ATF6: variants seen among roughly 807,000 people sequenced by gnomAD.
The protein encoded by ATF6 is cyclic AMP-dependent transcription factor ATF-6 alpha.
ATF6 carries 53 observed loss-of-function variants against 83.6 expected under a neutral mutation model. The observed-to-expected ratio is 0.63, with a 90% CI of 0.51 to 0.80. The LOEUF is 0.80. Ranked by LOEUF, ATF6 falls within the 30% of genes least tolerant of loss-of-function variation. The pLI is 0.00. For missense variants in ATF6, 744 were observed against 797.9 expected (o/e 0.93, Z 0.81); for synonymous variants, 288 against 285.8 (o/e 1.01, Z -0.08).
chr1:161,878,592 A>G (rs915937925), intron 14 of ATF6, among the ~76,000 whole-genome samples: 2 of 151,838 alleles, frequency 1.3e-5, no homozygotes, highest in Non-Finnish European at 1.5e-5. Flanking sequence ...GAGAGCAGCA[A>G]AGGAGGAGGG....
intron 7 of ATF6, among the ~76,000 whole-genome samples, chr1:161,813,440 C>A (rs1177262755): frequency 6.6e-6 from 1 of 152,140 alleles, no homozygotes; most frequent in Non-Finnish European, 1.5e-5. Flanking sequence ...TTGGATGAGA[C>A]CTTTAGAGGA....
At chr1:161,889,007 A>G (rs1157268209) in intron 14 of ATF6, among the ~76,000 whole-genome samples, 1 of 152,132 alleles carries the variant, frequency 6.6e-6, no homozygotes, top group Non-Finnish European at 1.5e-5. Flanking sequence ...TGTACCACCC[A>G]TATATAATTC....
chr1:161,829,098 A>G (rs1341537504), intron 9 of ATF6, among the ~76,000 whole-genome samples: 2 of 151,804 alleles, frequency 1.3e-5, no homozygotes, highest in Non-Finnish European at 2.9e-5. Flanking sequence ...GTAAATATAT[A>G]TGCATCCAAT....
At chr1:161,859,523 G>C (rs1234054109) in intron 12 of ATF6, among the ~76,000 whole-genome samples, 1 of 152,130 alleles carries the variant, frequency 6.6e-6, no homozygotes, top group Admixed American at 6.6e-5. Flanking sequence ...TGTTTGACAG[G>C]GTAAGATTAC....
chr1:161,792,659 C>T (rs886952754), intron 6 of ATF6, among the ~76,000 whole-genome samples: 2 of 152,024 alleles, frequency 1.3e-5, no homozygotes, highest in African/African-American at 4.8e-5. Flanking sequence ...TGGCTGTGAA[C>T]TTTTTTTGTT....
intron 14 of ATF6, among the ~76,000 whole-genome samples, chr1:161,886,057 C>T (rs1292030636): frequency 2.6e-5 from 4 of 152,078 alleles, no homozygotes; most frequent in Non-Finnish European, 4.4e-5. Flanking sequence ...GAGGTAGTAT[C>T]AAATTTTTCA....
intron 14 of ATF6, among the ~76,000 whole-genome samples, chr1:161,910,154 G>A (rs1415108103): frequency 6.6e-6 from 1 of 152,140 alleles, no homozygotes; most frequent in East Asian, 1.9e-4. Flanking sequence ...AATATTCAAT[G>A]AAGTTAACTA....
At chr1:161,922,009 G>A (rs1688223173) in intron 15 of ATF6, among the ~76,000 whole-genome samples, 2 of 144,972 alleles carry the variant, frequency 1.4e-5, no homozygotes, top group South Asian at 4.3e-4. Context: ...TTGTTTGTTT[G>A]TTTGTTTTTT....
chr1:161,943,711 C>T (rs924427034), intron 15 of ATF6, among the ~76,000 whole-genome samples: 1 of 152,136 alleles, frequency 6.6e-6, no homozygotes, highest in Non-Finnish European at 1.5e-5. Context: ...TGCCAGGTCT[C>T]GAACAAAAAA....
intron 9 of ATF6, among the ~76,000 whole-genome samples, chr1:161,828,622 T>C (rs1462747326): frequency 6.6e-6 from 1 of 152,202 alleles, no homozygotes; most frequent in Non-Finnish European, 1.5e-5. Flanking sequence ...GAGACTGTTA[T>C]TAAGTACCTA....
At chr1:161,892,568 C>G (rs1474306914) in intron 14 of ATF6, among the ~76,000 whole-genome samples, 1 of 150,866 alleles carries the variant, frequency 6.6e-6, no homozygotes, top group Non-Finnish European at 1.5e-5. Context: ...TTCTTTTTGT[C>G]TCTTAGATAT....
At chr1:161,787,590 G>A (rs968689495) in intron 4 of ATF6, among the ~76,000 whole-genome samples, 6 of 152,142 alleles carry the variant, frequency 3.9e-5, no homozygotes, top group South Asian at 4.1e-4. Flanking sequence ...ACTTCTCTGC[G>A]TGGATGGTGG....
intron 9 of ATF6, among the ~76,000 whole-genome samples, chr1:161,836,277 T>A (rs1686212315): frequency 1.3e-5 from 2 of 152,022 alleles, no homozygotes; most frequent in African/African-American, 4.8e-5. Context: ...GTTGTTGTTG[T>A]TGAGCACATT....
intron 2 of ATF6, among the ~76,000 whole-genome samples, chr1:161,779,752 T>A (rs1349511207): frequency 1.3e-5 from 2 of 152,088 alleles, no homozygotes; most frequent in East Asian, 3.9e-4. Flanking sequence ...TAATTTTTTT[T>A]TTTAAGACAG....
chr1:161,918,264 T>G (rs1688140447), intron 15 of ATF6, among the ~76,000 whole-genome samples: 1 of 152,048 alleles, frequency 6.6e-6, no homozygotes, highest in South Asian at 2.1e-4. Context: ...AATAATATTT[T>G]ATATAATTAA....
chr1:161,908,201 C>A (rs2101885371), intron 14 of ATF6, among the ~76,000 whole-genome samples: 1 of 152,280 alleles, frequency 6.6e-6, no homozygotes, highest in South Asian at 2.1e-4. Flanking sequence ...CTGTACTCTA[C>A]ATAGATACGT....
intron 15 of ATF6, among the ~76,000 whole-genome samples, chr1:161,935,732 G>T (rs1242309968): frequency 1.3e-5 from 2 of 152,196 alleles, no homozygotes; most frequent in Non-Finnish European, 2.9e-5. Flanking sequence ...TCTCATATGA[G>T]ACTGTAGGAA....
At chr1:161,858,900 T>G (rs12045320) in intron 12 of ATF6, among the ~76,000 whole-genome samples, 40,078 of 152,076 alleles carry the variant, frequency 0.26, 8,870 homozygotes, top group African/African-American at 0.61. Context: ...TTTCTGAGAC[T>G]AGGGAAATAA....
intron 12 of ATF6, among the ~76,000 whole-genome samples, chr1:161,859,228 A>G (rs1686827941): frequency 6.6e-6 from 1 of 152,212 alleles, no homozygotes; most frequent in South Asian, 2.1e-4. Context: ...TTACAGAGCC[A>G]GAAGTGGGAA....
Sources: allele counts gnomAD v4.1 joint callset (sites outside exome capture counted in the v4.1 genomes callset), GRCh38; gene constraint gnomAD v4.1.1; transcripts MANE v1.5; gene names NCBI Gene and HGNC (gene_info 2026-07-23, HGNC 2026-07-21).